TMSB15B: variants seen among roughly 807,000 people sequenced by gnomAD.
TMSB15B encodes thymosin beta 15B, also known as thymosin beta-15B.
chrX:103,946,869 T>C (rs1556327490), intron 1 of TMSB15B, among the ~76,000 whole-genome samples: 1 of 111,524 alleles, frequency 9.0e-6, no homozygotes, highest in Non-Finnish European at 1.9e-5. Flanking sequence ...AAGGAAAAGA[T>C]TGATATATTT....
At chrX:103,943,100 G>A (rs2075016795) in intron 1 of TMSB15B, among the ~76,000 whole-genome samples, 1 of 111,730 alleles carries the variant, frequency 9.0e-6, no homozygotes, top group Non-Finnish European at 1.9e-5. Context: ...CTGAGATAGA[G>A]TACATGAAAG....
At chrX:103,926,360 G>C (rs1439251441) in intron 1 of TMSB15B, among the ~76,000 whole-genome samples, 1 of 100,924 alleles carries the variant, frequency 9.9e-6, no homozygotes, top group African/African-American at 3.7e-5. Flanking sequence ...TGGATGGAGT[G>C]GGGTGGGGTA....
At chrX:103,943,470 T>G (rs1394164253) in intron 1 of TMSB15B, among the ~76,000 whole-genome samples, 2 of 112,097 alleles carry the variant, frequency 1.8e-5, no homozygotes, top group Non-Finnish European at 3.8e-5. Context: ...CAGACTTCTG[T>G]CCTTTCTTTT....
At chrX:103,929,226 A>T (rs1556319499) in intron 1 of TMSB15B, among the ~76,000 whole-genome samples, 2 of 112,254 alleles carry the variant, frequency 1.8e-5, no homozygotes, top group Non-Finnish European at 1.9e-5. Flanking sequence ...CGTTCGCCCC[A>T]GTCTCTCCAC....
chrX:103,938,606 C>A (rs368909022), intron 1 of TMSB15B, among the ~76,000 whole-genome samples: 1 of 112,073 alleles, frequency 8.9e-6, no homozygotes, highest in African/African-American at 3.2e-5. Context: ...GGCTCTTTAT[C>A]CAATTTGCCA....
At chrX:103,939,406 A>T (rs10046954) in intron 1 of TMSB15B, among the ~76,000 whole-genome samples, 40,135 of 107,230 alleles carry the variant, frequency 0.37, 5,634 homozygotes, top group Admixed American at 0.53. Context: ...CATTAAGCTG[A>T]TCTTCAATCT....
intron 1 of TMSB15B, among the ~76,000 whole-genome samples, chrX:103,935,092 C>A (rs1272393885): frequency 8.9e-6 from 1 of 112,327 alleles, no homozygotes; most frequent in African/African-American, 3.2e-5. Flanking sequence ...TAATGACCAA[C>A]GATGATGAGC....
At chrX:103,934,396 T>C (rs1380051388) in intron 1 of TMSB15B, among the ~76,000 whole-genome samples, 1 of 110,727 alleles carries the variant, frequency 9.0e-6, no homozygotes, top group Non-Finnish European at 1.9e-5. Flanking sequence ...AACCTGCAGG[T>C]TTGTAACGTA....
At chrX:103,930,555 A>G (rs2074981810) in intron 1 of TMSB15B, among the ~76,000 whole-genome samples, 1 of 110,180 alleles carries the variant, frequency 9.1e-6, no homozygotes, top group Admixed American at 9.7e-5. Context: ...CATTGGTCGA[A>G]TTACTGAATT....
intron 1 of TMSB15B, chrX:103,931,394 T>C (rs782156913): frequency 8.9e-6 from 1 of 111,950 alleles, no homozygotes; most frequent in South Asian, 3.8e-4. Flanking sequence ...AGAACACCCA[T>C]GTCCCCTTTA....
chrX:103,955,006 G>A (rs1980795943), intron 1 of TMSB15B, among the ~76,000 whole-genome samples: 1 of 111,458 alleles, frequency 9.0e-6, no homozygotes, highest in African/African-American at 3.3e-5. Flanking sequence ...GTCCCCCAGA[G>A]ATACAGCATG....
intron 1 of TMSB15B, among the ~76,000 whole-genome samples, chrX:103,947,294 C>G (rs1401555670): frequency 9.0e-6 from 1 of 111,517 alleles, no homozygotes; most frequent in Non-Finnish European, 1.9e-5. Context: ...AAAGATCCCA[C>G]TTATTTAAAG....
rs1312884453 is a variant in TMSB15B at position 103,952,164 on chromosome X, G to T, written c.-720-9857G>T. On this transcript the variant is annotated intron_variant, in intron 1 of 3. Coordinates refer to the TMSB15B transcript ENST00000419165. ...CTTCCCAACTTAGTCTTCTGAGTAG[G>T]TAGGACTATGGTGAGTGCCACCATG... is the stretch of plus-strand genomic sequence containing the variant. Among the ~76,000 whole-genome samples, 4 of 111,590 alleles carry T rather than the reference G, an allele frequency of 3.6e-5. No homozygotes were observed. The Admixed American group carries it at 3.8e-4, about 11-fold the overall frequency.
At chrX:103,943,710 C>T (rs1457711445) in intron 1 of TMSB15B, among the ~76,000 whole-genome samples, 1 of 112,046 alleles carries the variant, frequency 8.9e-6, no homozygotes, top group Non-Finnish European at 1.9e-5. Context: ...GTCCCAACTA[C>T]ACAAGACTAC....
At chrX:103,929,070 TG>T (rs2074977530) in intron 1 of TMSB15B, 2 of 996,661 alleles carry the variant, frequency 2.0e-6, no homozygotes, top group East Asian at 6.2e-5. Flanking sequence ...CTTCCCTGGT[TG>T]GTTCTATATA....
rs1556328826 is a variant in TMSB15B, at chrX:103,954,478, C to CGG, written c.-720-7543_-720-7542insGG. On this transcript the variant is annotated intron_variant, in intron 1 of 3. Transcript: ENST00000419165. ...CCGTGCACCAGCCTGCATGTTAACT[C>CGG]CCCATAATATAGCTTCCCTCAAGCC... is the stretch of plus-strand genomic sequence containing the variant. Among the ~76,000 whole-genome samples the CGG allele has an allele frequency of 7.5e-3, 840 of 111,769 alleles. 9 individuals are homozygous for CGG. Among genetic ancestry groups the CGG allele is most frequent in the African/African-American group, 0.026 (799 of 30,739 alleles).
rs781929914 is a variant in TMSB15B, at chrX:103,946,999, A to G, written c.-720-15022A>G. ...GGCTCTATCTACTGAAGCTGAACCT[A>G]TGCATTCCCTATGACCAGCAACTCC... On this transcript the variant is annotated intron_variant, in intron 1 of 3. Coordinates refer to the TMSB15B transcript ENST00000419165. 2.2e-4 allele frequency among the ~76,000 whole-genome samples: 24 copies of G among 110,916 alleles called. No homozygotes were observed. In the South Asian group the frequency reaches 9.4e-3, roughly 43 times the overall value.
At chrX:103,941,806 T>A (rs187435122) in intron 1 of TMSB15B, among the ~76,000 whole-genome samples, 1 of 112,242 alleles carries the variant, frequency 8.9e-6, no homozygotes, top group Admixed American at 9.5e-5. Context: ...ATTATCAGAC[T>A]TCTTAATTTT....
At chrX:103,954,938 C>T (rs1376578527) in intron 1 of TMSB15B, among the ~76,000 whole-genome samples, 3 of 111,355 alleles carry the variant, frequency 2.7e-5, no homozygotes, top group Non-Finnish European at 5.7e-5. Flanking sequence ...TTGATCCCCC[C>T]AGTACAGTAG....
Sources: gnomAD v4.1 joint callset for allele counts (sites outside exome capture counted in the v4.1 genomes callset) on GRCh38, gnomAD v4.1.1 for gene constraint, MANE v1.5 for transcripts, NCBI Gene and HGNC (gene_info 2026-07-23, HGNC 2026-07-21) for gene names.